Variants in HACE1 observed in about 807,000 individuals in gnomAD.
The protein encoded by HACE1 is E3 ubiquitin-protein ligase HACE1.
HACE1 carries 73 observed loss-of-function variants against 118.4 expected under a neutral mutation model. The observed-to-expected ratio is 0.62, with a 90% CI of 0.51 to 0.75. HACE1 has a LOEUF of 0.75. Ranked by LOEUF, HACE1 falls within the 30% of genes least tolerant of loss-of-function variation. HACE1 has a pLI of 0.00. For synonymous variants in HACE1, 368 were observed against 374.8 expected, an observed-to-expected ratio of 0.98 and a Z score of 0.21; for missense variants, 749 against 1,102.2, an observed-to-expected ratio of 0.68 and a Z score of 4.54.
In HACE1 at chr6:104,730,300, T is replaced by A; in HGVS notation, c.2627+3A>T. The A allele has an allele frequency of 7.6e-7, 1 of 1,319,702 alleles. No homozygotes were observed. The highest frequency in any genetic ancestry group is 1.2e-5 in the South Asian group (1 of 85,250). 81.7% of individuals were successfully genotyped at this position (1,319,702 alleles called of 1,614,324 possible). ...AGCATTTAAATAAACCAAGTCAACA[T>A]ACCATGTGCTTGAAGTTGGTAAAAG... On this transcript the variant is annotated splice_donor_region_variant and intron_variant, in intron 23 of 23. Coordinates refer to ENST00000262903, the MANE Select transcript of HACE1 (RefSeq NM_020771.4).
intron 14 of HACE1, among the ~76,000 whole-genome samples, chr6:104,779,129 CA>C (rs1358908817): frequency 6.6e-6 from 1 of 152,082 alleles, no homozygotes; most frequent in Non-Finnish European, 1.5e-5. Context: ...AGTTTATGAT[CA>C]CAAGTCATGA....
intron 19 of HACE1, among the ~76,000 whole-genome samples, chr6:104,756,923 C>G (rs1778765756): frequency 6.6e-6 from 1 of 152,244 alleles, no homozygotes; most frequent in Non-Finnish European, 1.5e-5. Context: ...GTCGCATGCC[C>G]ATGGAGCCTT....
Position 104,859,688 on chromosome 6 carries a change from G to A in HACE1, c.-46C>T. 1.3e-6 allele frequency: 2 copies of A among 1,489,254 alleles called. No homozygotes were observed. The highest frequency in any genetic ancestry group is 1.2e-5 in the South Asian group (1 of 81,680). 92.3% of individuals were successfully genotyped at this position (1,489,254 alleles called of 1,614,324 possible). A position where few individuals can be genotyped will look rare whatever the true frequency, so the allele number is the denominator to read the frequency against. On this transcript the variant is annotated 5_prime_UTR_variant, in exon 1 of 24. Transcript: ENST00000262903. ...TCCTCCGCGATCAGCCGCCCCACCGGCGGCCTCCGCGCCCAGAGCCCTACA... is the reference window on the plus strand; with the variant it reads ...TCCTCCGCGATCAGCCGCCCCACCGACGGCCTCCGCGCCCAGAGCCCTACA...
chr6:104,849,197 G>T lies in HACE1; in HGVS notation c.271C>A (p.Pro91Thr), dbSNP rs1225751175. ...CAGCCTGAAATATCTTGATAGTTAG[G>T]ATTTGCTCCTTTCTTTAACAGCAAA... ...LVLLLKKGAN[P>T]NYQDISGCTP... is the part of the protein sequence containing the mutation. Residue 91 changes from proline to threonine, a missense_variant, in exon 4 of 24, where the codon CCT becomes ACT. Pro to Thr is a conservative substitution (Grantham distance 38). This residue lies in a region of HACE1 where 120 missense variants were observed against 219.1 expected (regional missense o/e 0.55). Coordinates refer to ENST00000262903, the MANE Select transcript of HACE1 (RefSeq NM_020771.4). 3.7e-6 allele frequency: 6 copies of T among 1,611,260 alleles called. No individual in the cohort carries two copies. The highest frequency in any genetic ancestry group is 4.2e-6 in the Non-Finnish European group (5 of 1,177,660).
intron 6 of HACE1, among the ~76,000 whole-genome samples, chr6:104,827,748 C>G (rs568703564): frequency 6.6e-6 from 1 of 152,178 alleles, no homozygotes; most frequent in African/African-American, 2.4e-5. Flanking sequence ...AACTTGGAAG[C>G]TGGCTAAAGA....
At chr6:104,855,955 T>C (rs778558995) in intron 1 of HACE1, among the ~76,000 whole-genome samples, 13 of 152,152 alleles carry the variant, frequency 8.5e-5, no homozygotes, top group Non-Finnish European at 8.8e-5. Context: ...TTAAGTCACA[T>C]CTAACCTAAA....
At chr6:104,748,139 A>C (rs1487718295) in intron 20 of HACE1, among the ~76,000 whole-genome samples, 1 of 152,124 alleles carries the variant, frequency 6.6e-6, no homozygotes, top group Non-Finnish European at 1.5e-5. Flanking sequence ...GTTAAACCCC[A>C]AAATTTTTAT....
intron 19 of HACE1, among the ~76,000 whole-genome samples, chr6:104,767,406 C>T (rs1780128143): frequency 6.6e-6 from 1 of 152,112 alleles, no homozygotes; most frequent in African/African-American, 2.4e-5. Context: ...ACTTGCCTTA[C>T]ATAATTCTTC....
At chr6:104,790,652 G>A (rs1782931585) in intron 11 of HACE1, among the ~76,000 whole-genome samples, 1 of 152,172 alleles carries the variant, frequency 6.6e-6, no homozygotes, top group African/African-American at 2.4e-5. Flanking sequence ...TACTGGGGAG[G>A]TTGAGGTGGG....
At chr6:104,807,387 G>A (rs950530723) in intron 7 of HACE1, among the ~76,000 whole-genome samples, 4 of 152,044 alleles carry the variant, frequency 2.6e-5, no homozygotes, top group African/African-American at 4.8e-5. Flanking sequence ...GAGTTGCTTC[G>A]CAGTAGCTAC....
intron 7 of HACE1, among the ~76,000 whole-genome samples, chr6:104,807,402 C>A (rs1345811868): frequency 6.6e-6 from 1 of 152,160 alleles, no homozygotes; most frequent in African/African-American, 2.4e-5. Context: ...AGCTACAAAT[C>A]CATGTTCTAA....
chr6:104,750,305 T>C (rs375563483), intron 20 of HACE1, 36 bp downstream of exon 20: 2 of 1,571,690 alleles, frequency 1.3e-6, no homozygotes, highest in African/African-American at 2.7e-5. Flanking sequence ...TTTTTTGTTG[T>C]TGTGTTACAA....
intron 20 of HACE1, among the ~76,000 whole-genome samples, chr6:104,744,982 G>T (rs1021721748): frequency 6.6e-6 from 1 of 152,018 alleles, no homozygotes; most frequent in Non-Finnish European, 1.5e-5. Flanking sequence ...CTTCTGTAAG[G>T]AGACAGTATT....
intron 19 of HACE1, among the ~76,000 whole-genome samples, chr6:104,759,797 C>T (rs1779131509): frequency 1.3e-5 from 2 of 151,928 alleles, no homozygotes; most frequent in Non-Finnish European, 2.9e-5. Flanking sequence ...AATAGATACA[C>T]AGCTAGCAAG....
At chr6:104,798,720 G>A (rs945338128) in intron 7 of HACE1, among the ~76,000 whole-genome samples, 1 of 152,156 alleles carries the variant, frequency 6.6e-6, no homozygotes, top group African/African-American at 2.4e-5. Context: ...CATTTACACT[G>A]TTCCATTCTT....
Position 104,815,289 on chromosome 6 carries a change from CTG to C in HACE1, c.535-3898_535-3897del, listed in dbSNP as rs1309942993. Among the ~76,000 whole-genome samples the C allele has an allele frequency of 1.4e-5, 2 of 138,208 alleles. 1 individual carries two copies. The highest frequency in any genetic ancestry group is 5.8e-5 in the African/African-American group (2 of 34,494). 90.7% of individuals were successfully genotyped at this position (138,208 alleles called of 152,430 possible). A position where few individuals can be genotyped will look rare whatever the true frequency, so the allele number is the denominator to read the frequency against. On this transcript the variant is annotated intron_variant, in intron 6 of 23. Transcript: ENST00000262903. ...CTTGCTATGCTTTAGCAAAAAGAAACTGGAAGCATTTTGCCCCTGCCCTAGAG... is the reference window on the plus strand; with the variant it reads ...CTTGCTATGCTTTAGCAAAAAGAAACGAAGCATTTTGCCCCTGCCCTAGAG...
At chr6:104,820,887 A>G (rs1454002410) in intron 6 of HACE1, among the ~76,000 whole-genome samples, 2 of 152,196 alleles carry the variant, frequency 1.3e-5, no homozygotes, top group Non-Finnish European at 2.9e-5. Context: ...ATACATGCAC[A>G]CATATGTTCA....
chr6:104,828,637 A>G (rs1268095591), intron 6 of HACE1, among the ~76,000 whole-genome samples: 1 of 152,078 alleles, frequency 6.6e-6, no homozygotes, highest in East Asian at 1.9e-4. Context: ...CTATTATGCT[A>G]CAATGACAAA....
At chr6:104,759,619 C>T (rs180734533) in intron 19 of HACE1, among the ~76,000 whole-genome samples, 329 of 152,148 alleles carry the variant, frequency 2.2e-3, no homozygotes, top group African/African-American at 7.7e-3. Context: ...AATCAACACC[C>T]TAACATCACA....
Sources: gnomAD v4.1 joint callset for allele counts (sites outside exome capture counted in the v4.1 genomes callset) on GRCh38, gnomAD v4.1.1 for gene constraint, gnomAD v4.1.1 regional missense constraint, MANE v1.5 for transcripts, NCBI Gene and HGNC (gene_info 2026-07-23, HGNC 2026-07-21) for gene names.